Variants in VWA3B observed in about 807,000 individuals in gnomAD.
VWA3B encodes the protein von Willebrand factor A domain containing 3B.
VWA3B carries 138 observed loss-of-function variants against 158.3 expected under a neutral mutation model. The observed-to-expected ratio is 0.87, with a 90% CI of 0.76 to 1.00. The LOEUF (loss-of-function observed/expected upper bound fraction) is 1.00. Among genes scored for constraint, VWA3B ranks in the 50% least tolerant of loss-of-function variants. The pLI is 0.00. For missense variants in VWA3B, 1,555 were observed against 1,565.1 expected (o/e 0.99, Z 0.11); for synonymous variants, 596 against 587.3 (o/e 1.01, Z -0.21).
chr2:98,204,307 G>T (rs1209447890), intron 12 of VWA3B, among the ~76,000 whole-genome samples: 1 of 152,244 alleles, frequency 6.6e-6, no homozygotes, highest in Non-Finnish European at 1.5e-5. Flanking sequence ...GAATAGGTAT[G>T]TTGAGAGCAG....
At chr2:98,222,854 C>A (rs2105641709) in intron 14 of VWA3B, among the ~76,000 whole-genome samples, 1 of 152,302 alleles carries the variant, frequency 6.6e-6, no homozygotes, top group East Asian at 1.9e-4. Context: ...AGCAGGGCAA[C>A]TACCAAGTAA....
intron 9 of VWA3B, among the ~76,000 whole-genome samples, chr2:98,183,191 T>A (rs1574012576): frequency 8.3e-6 from 1 of 120,926 alleles, no homozygotes; most frequent in East Asian, 3.1e-4. Flanking sequence ...ACAGCTCCCT[T>A]TTTTTTTTTT....
intron 8 of VWA3B, among the ~76,000 whole-genome samples, chr2:98,172,474 G>T (rs1455249190): frequency 1.3e-5 from 2 of 152,218 alleles, no homozygotes; most frequent in African/African-American, 4.8e-5. Context: ...CACAGAATGG[G>T]GGCGTGACAG....
chr2:98,259,139 C>T (rs1300815876), intron 21 of VWA3B, among the ~76,000 whole-genome samples: 2 of 151,582 alleles, frequency 1.3e-5, no homozygotes, highest in Non-Finnish European at 3.0e-5. Context: ...GTGTATAATC[C>T]TTTTAATGTC....
At chr2:98,114,078 C>T (rs1674343257) in intron 2 of VWA3B, among the ~76,000 whole-genome samples, 1 of 152,176 alleles carries the variant, frequency 6.6e-6, no homozygotes, top group Non-Finnish European at 1.5e-5. Context: ...CTAATGCCTA[C>T]AAATAGCTCT....
intron 25 of VWA3B, among the ~76,000 whole-genome samples, chr2:98,302,204 A>G (rs1403349050): frequency 4.6e-5 from 7 of 151,406 alleles, no homozygotes; most frequent in Middle Eastern, 3.4e-3. Flanking sequence ...TGCCCTCCCC[A>G]TCTCCTCTCC....
intron 8 of VWA3B, among the ~76,000 whole-genome samples, chr2:98,173,858 C>T (rs975673648): frequency 5.3e-5 from 8 of 151,742 alleles, no homozygotes; most frequent in Admixed American, 2.0e-4. Context: ...CCCAGCTACT[C>T]GGGAGGCTGA....
intron 22 of VWA3B, among the ~76,000 whole-genome samples, chr2:98,279,458 A>T (rs1390901685): frequency 1.3e-5 from 2 of 152,140 alleles, no homozygotes; most frequent in African/African-American, 4.8e-5. Context: ...CCCTAAACAG[A>T]TCTGGGGACA....
intron 13 of VWA3B, among the ~76,000 whole-genome samples, chr2:98,216,283 A>G (rs536170050): frequency 1.3e-5 from 2 of 152,382 alleles, no homozygotes; most frequent in South Asian, 4.1e-4. Flanking sequence ...GTGGGCATCC[A>G]TAGTGTAAGC....
At chr2:98,299,133 C>T (rs1443360698) in intron 24 of VWA3B, among the ~76,000 whole-genome samples, 1 of 152,172 alleles carries the variant, frequency 6.6e-6, no homozygotes, top group Non-Finnish European at 1.5e-5. Flanking sequence ...AGATGTTTTC[C>T]CTTTGATTTA....
chr2:98,316,385 G>C (rs1691086884), downstream of VWA3B, among the ~76,000 whole-genome samples: 1 of 152,166 alleles, frequency 6.6e-6, no homozygotes, highest in African/African-American at 2.4e-5. Flanking sequence ...GCTCATGCCT[G>C]TAATTCCAGC....
chr2:98,135,331 T>TC (rs1402004106), intron 7 of VWA3B, among the ~76,000 whole-genome samples: 49 of 77,382 alleles, frequency 6.3e-4, no homozygotes, highest in Non-Finnish European at 1.0e-3. Context: ...TTTTCTTTTT[T>TC]TTTTTTTTTT....
In VWA3B at chr2:98,312,231, G is replaced by A. The variant is rs1189775076; in HGVS notation, c.3767G>A (p.Arg1256His). 5 of 1,614,104 alleles carry A rather than the reference G, an allele frequency of 3.1e-6. No homozygotes were observed. Among genetic ancestry groups the A allele is most frequent in the Non-Finnish European group, 4.2e-6 (5 of 1,180,020 alleles). Reference sequence around the variant, plus strand: ...CACCTCCACTTCCCCGCGGCCGGGCGTCTAGGACTCAGCAGCCACGCCATC... The same window carrying A: ...CACCTCCACTTCCCCGCGGCCGGGCATCTAGGACTCAGCAGCCACGCCATC... ...TAHLHFPAAGRLGLSSHAIIA... is the reference protein window; with the variant it reads ...TAHLHFPAAGHLGLSSHAIIA... Residue 1256 changes from arginine (R) to histidine (H), a missense_variant, in exon 28 of 28, where the codon CGT becomes CAT. Transcript: ENST00000477737.
chr2:98,265,968 C>T (rs1263184034), intron 21 of VWA3B, among the ~76,000 whole-genome samples: 550 of 132,752 alleles, frequency 4.1e-3, no homozygotes, highest in African/African-American at 0.015. Context: ...GAGTAGGTTG[C>T]GAAAATTTTC....
intron 21 of VWA3B, among the ~76,000 whole-genome samples, chr2:98,256,698 A>G (rs1687175749): frequency 6.6e-6 from 1 of 152,172 alleles, no homozygotes. Flanking sequence ...TCTCTTGGGT[A>G]TATACCTAGC....
intron 10 of VWA3B, among the ~76,000 whole-genome samples, chr2:98,188,850 C>A (rs1380705461): frequency 6.6e-6 from 1 of 152,132 alleles, no homozygotes; most frequent in African/African-American, 2.4e-5. Context: ...TGCCTTGATG[C>A]CAGTGCAGTT....
chr2:98,280,495 A>G (rs1345926098), intron 22 of VWA3B, among the ~76,000 whole-genome samples: 2 of 152,190 alleles, frequency 1.3e-5, no homozygotes, highest in African/African-American at 4.8e-5. Flanking sequence ...AGGGAGGGGA[A>G]GGAATGTTTC....
chr2:98,113,827 A>G (rs1480612761), intron 2 of VWA3B, among the ~76,000 whole-genome samples: 3 of 152,166 alleles, frequency 2.0e-5, no homozygotes, highest in Admixed American at 2.0e-4. Flanking sequence ...CCATGTTGTA[A>G]CCAGCACCAA....
rs879554942 is a variant in VWA3B at position 98,298,431 on chromosome 2, T to G, written c.3282+400T>G. ...TCTATTCTATTCTATTCTATTCTAT[T>G]CTATTCTATTCTATGCCATGCCATG... On this transcript the variant is annotated intron_variant, in intron 24 of 27. Transcript: ENST00000477737. Among the ~76,000 whole-genome samples the G allele has an allele frequency of 4.1e-3, 526 of 129,678 alleles. 1 individual carries two copies. The highest frequency in any genetic ancestry group is 0.016 in the Middle Eastern group (4 of 258). 85.1% of individuals were successfully genotyped at this position (129,678 alleles called of 152,430 possible).
Sources: allele counts gnomAD v4.1 joint callset (sites outside exome capture counted in the v4.1 genomes callset), GRCh38; gene constraint gnomAD v4.1.1; transcripts MANE v1.5; gene names NCBI Gene and HGNC (gene_info 2026-07-23, HGNC 2026-07-21).